The following CDH18 variants were observed in gnomAD, a reference collection of about 807,000 sequenced individuals.
CDH18 encodes the protein cadherin 18.
CDH18 carries 31 observed loss-of-function variants against 67.9 expected under a neutral mutation model. The observed-to-expected ratio is 0.46, with a 90% CI of 0.34 to 0.62. CDH18 has a LOEUF of 0.62. Among genes scored for constraint, CDH18 ranks in the 20% least tolerant of loss-of-function variants. The pLI is 0.01. For missense variants in CDH18, 890 were observed against 975.5 expected (o/e 0.91, Z 1.17); for synonymous variants, 362 against 347.2 (o/e 1.04, Z -0.48).
At chr5:20,421,098 T>A (rs998369286) in intron 1 of CDH18, among the ~76,000 whole-genome samples, 1 of 150,988 alleles carries the variant, frequency 6.6e-6, no homozygotes, top group South Asian at 2.1e-4. Context: ...AAACCTGAAG[T>A]TTGCCTTGTT....
intron 1 of CDH18, among the ~76,000 whole-genome samples, chr5:20,566,607 C>T (rs1235877798): frequency 6.9e-6 from 1 of 145,020 alleles, no homozygotes; most frequent in African/African-American, 2.6e-5. Flanking sequence ...AATTTCCTGA[C>T]TTCGTGATCC....
intron 1 of CDH18, among the ~76,000 whole-genome samples, chr5:20,498,377 C>T (rs543838628): frequency 1.3e-5 from 2 of 152,196 alleles, no homozygotes; most frequent in South Asian, 4.1e-4. Context: ...AGACTACTCC[C>T]TCTCACATCC....
At chr5:19,979,512 G>T (rs1798830000) in intron 2 of CDH18, among the ~76,000 whole-genome samples, 1 of 152,020 alleles carries the variant, frequency 6.6e-6, no homozygotes, top group African/African-American at 2.4e-5. Flanking sequence ...ATTGGCTGGG[G>T]AAACTTCATA....
intron 2 of CDH18, among the ~76,000 whole-genome samples, chr5:19,955,052 A>G (rs1796134382): frequency 6.6e-6 from 1 of 152,096 alleles, no homozygotes; most frequent in African/African-American, 2.4e-5. Context: ...CTCTCATGAT[A>G]GTGAATGCAT....
chr5:20,301,422 C>T (rs1735885577), intron 1 of CDH18, among the ~76,000 whole-genome samples: 1 of 152,156 alleles, frequency 6.6e-6, no homozygotes, highest in Non-Finnish European at 1.5e-5. Flanking sequence ...AAGGGAGAGT[C>T]CTTCATCCTC....
At chr5:20,038,524 T>A (rs1740100897) in intron 2 of CDH18, among the ~76,000 whole-genome samples, 1 of 152,204 alleles carries the variant, frequency 6.6e-6, no homozygotes, top group African/African-American at 2.4e-5. Context: ...ATCCCTGGGA[T>A]GCAAGCTGGT....
At chr5:19,709,479 A>G (rs1484448818) in intron 5 of CDH18, among the ~76,000 whole-genome samples, 1 of 152,094 alleles carries the variant, frequency 6.6e-6, no homozygotes, top group Non-Finnish European at 1.5e-5. Context: ...AGGCTGGAGA[A>G]TCACTTGAAA....
At chr5:20,466,547 G>T (rs1039985116) in intron 1 of CDH18, among the ~76,000 whole-genome samples, 1 of 152,064 alleles carries the variant, frequency 6.6e-6, no homozygotes, top group Non-Finnish European at 1.5e-5. Flanking sequence ...ATAAGAATGA[G>T]TGAGAATTTA....
chr5:19,801,673 T>A (rs965768877), intron 3 of CDH18, among the ~76,000 whole-genome samples: 1 of 152,240 alleles, frequency 6.6e-6, no homozygotes, highest in Admixed American at 6.5e-5. Flanking sequence ...TTGTTTTTAA[T>A]ATATCAGCCC....
chr5:19,605,748 A>G (rs1418006822), intron 6 of CDH18, among the ~76,000 whole-genome samples: 1 of 152,156 alleles, frequency 6.6e-6, no homozygotes, highest in Non-Finnish European at 1.5e-5. Context: ...TTATATGCAC[A>G]TATACTGAGG....
intron 2 of CDH18, among the ~76,000 whole-genome samples, chr5:20,066,491 A>G (rs1024939890): frequency 2.6e-5 from 4 of 152,084 alleles, no homozygotes; most frequent in African/African-American, 7.2e-5. Flanking sequence ...ACTCAAAATA[A>G]TCATATCTAC....
At position 20,089,109 on chromosome 5, in the gene CDH18, AAAT is replaced by A. The variant is rs370409257; in HGVS notation, c.-517-97098_-517-97096del. Among the ~76,000 whole-genome samples, 47 of 152,302 alleles carry A rather than the reference AAAT, an allele frequency of 3.1e-4. 1 individual carries two copies. The East Asian group carries it at 6.0e-3, about 19-fold the overall frequency. Reference sequence around the variant, plus strand: ...AATCCTTTAAAAAGATCTTCTGAAAAAATAATAAGTCCCAATCTCTTATACTTA... The same window carrying A: ...AATCCTTTAAAAAGATCTTCTGAAAAAATAAGTCCCAATCTCTTATACTTA... On this transcript the variant is annotated intron_variant, in intron 2 of 14. Coordinates refer to the CDH18 transcript ENST00000507958.
intron 1 of CDH18, among the ~76,000 whole-genome samples, chr5:20,350,453 T>G (rs1329511327): frequency 2.0e-5 from 3 of 152,158 alleles, no homozygotes; most frequent in Non-Finnish European, 2.9e-5. Flanking sequence ...TTAAATGTAT[T>G]CCATTTTTGG....
At chr5:19,480,671 C>A (rs182970180) in intron 12 of CDH18, among the ~76,000 whole-genome samples, 2 of 152,102 alleles carry the variant, frequency 1.3e-5, no homozygotes, top group African/African-American at 4.8e-5. Context: ...CCACCGCGCC[C>A]GGCCATATAA....
At chr5:20,318,512 C>A (rs890458357) in intron 1 of CDH18, among the ~76,000 whole-genome samples, 2 of 152,032 alleles carry the variant, frequency 1.3e-5, no homozygotes, top group African/African-American at 4.8e-5. Flanking sequence ...TGGTTTAGTA[C>A]CATGCCCTGT....
At chr5:20,151,132 T>A (rs903767750) in intron 2 of CDH18, among the ~76,000 whole-genome samples, 1 of 152,038 alleles carries the variant, frequency 6.6e-6, no homozygotes, top group Admixed American at 6.6e-5. Context: ...TAGATAGTTT[T>A]TCAATTCATA....
chr5:20,482,365 C>G (rs1022175630), intron 1 of CDH18, among the ~76,000 whole-genome samples: 10 of 152,102 alleles, frequency 6.6e-5, no homozygotes, highest in African/African-American at 2.4e-4. Flanking sequence ...AGTTTAAGAA[C>G]TAATACCAAT....
At chr5:19,553,633 CTTTTTTTTTTT>C (rs1021709184) in intron 8 of CDH18, among the ~76,000 whole-genome samples, 64 of 108,774 alleles carry the variant, frequency 5.9e-4, no homozygotes, top group Non-Finnish European at 9.8e-4. Flanking sequence ...TGGTCTCATA[CTTTTTTTTTTT>C]TTTTTTTTTT....
chr5:20,300,082 C>G (rs1305593764), intron 1 of CDH18, among the ~76,000 whole-genome samples: 1 of 151,864 alleles, frequency 6.6e-6, no homozygotes, highest in Non-Finnish European at 1.5e-5. Context: ...CAGTGTGACA[C>G]TTAAAAAAAA....
Sources: allele counts gnomAD v4.1 joint callset (sites outside exome capture counted in the v4.1 genomes callset), GRCh38; gene constraint gnomAD v4.1.1; transcripts MANE v1.5; gene names NCBI Gene and HGNC (gene_info 2026-07-23, HGNC 2026-07-21).